ZEB1: variants seen among roughly 807,000 people sequenced by gnomAD.
ZEB1 encodes zinc finger E-box-binding homeobox 1.
In ZEB1, 21 loss-of-function variants were observed where a neutral mutation model predicts 84.9. That is an observed-to-expected ratio of 0.25 (90% CI 0.18 to 0.36). The LOEUF (loss-of-function observed/expected upper bound fraction) is 0.36. Among genes scored for constraint, ZEB1 ranks in the 10% least tolerant of loss-of-function variants. The probability of loss-of-function intolerance (pLI) is 1.00; values close to 1 mark genes in which losing one functional copy is unlikely to be tolerated. For synonymous variants in ZEB1, 420 were observed against 471.1 expected (o/e 0.89, Z 1.41); for missense variants, 1,104 against 1,330.2 (o/e 0.83, Z 2.65).
intron 1 of ZEB1, among the ~76,000 whole-genome samples, chr10:31,436,489 C>T (rs1246485307): frequency 2.0e-5 from 3 of 151,972 alleles, no homozygotes; most frequent in Admixed American, 6.6e-5. Flanking sequence ...AGAGCATGTC[C>T]GGAGCCACAT....
At chr10:31,361,187 C>T (rs878913011) in intron 1 of ZEB1, 2 of 1,610,634 alleles carry the variant, frequency 1.2e-6, no homozygotes, top group African/African-American at 1.3e-5. Flanking sequence ...AAAGACCATC[C>T]TGCTCTCAAC....
intron 1 of ZEB1, among the ~76,000 whole-genome samples, chr10:31,423,930 G>C (rs145570464): frequency 6.6e-6 from 1 of 152,088 alleles, no homozygotes; most frequent in African/African-American, 2.4e-5. Flanking sequence ...AATAAGGATA[G>C]TTTATATGTT....
chr10:31,321,514 T>C (rs1373758054), intron 1 of ZEB1: 2 of 1,614,056 alleles, frequency 1.2e-6, no homozygotes, highest in Non-Finnish European at 1.7e-6. Flanking sequence ...CCGCTGTTGC[T>C]GATGTGGCTT....
chr10:31,330,556 C>T (rs796982891), intron 1 of ZEB1, among the ~76,000 whole-genome samples: 21 of 152,208 alleles, frequency 1.4e-4, no homozygotes, highest in African/African-American at 4.8e-4. Context: ...TTTCATGTTC[C>T]GTAGCTTTTA....
At chr10:31,423,707 T>C (rs1182231805) in intron 1 of ZEB1, among the ~76,000 whole-genome samples, 1 of 152,108 alleles carries the variant, frequency 6.6e-6, no homozygotes, top group Non-Finnish European at 1.5e-5. Flanking sequence ...GCTGGCTATA[T>C]AGCAAGTTTG....
At chr10:31,441,093 T>G (rs1397297032) in intron 1 of ZEB1, among the ~76,000 whole-genome samples, 4 of 151,936 alleles carry the variant, frequency 2.6e-5, no homozygotes, top group East Asian at 1.9e-4. Flanking sequence ...GAGCCCACAT[T>G]GCCAAGACAA....
intron 1 of ZEB1, among the ~76,000 whole-genome samples, chr10:31,458,616 T>C (rs1322258592): frequency 1.3e-5 from 2 of 152,044 alleles, no homozygotes; most frequent in African/African-American, 4.8e-5. Flanking sequence ...CCTCAGATAA[T>C]ATTTATGGAA....
chr10:31,354,243 C>T (rs2041769977), intron 1 of ZEB1, among the ~76,000 whole-genome samples: 1 of 152,104 alleles, frequency 6.6e-6, no homozygotes, highest in Non-Finnish European at 1.5e-5. Flanking sequence ...TTATAAGTGA[C>T]TTTGGGAGAA....
chr10:31,437,595 A>C (rs1335336676), intron 1 of ZEB1, among the ~76,000 whole-genome samples: 1 of 152,206 alleles, frequency 6.6e-6, no homozygotes. Flanking sequence ...TTAGTGTCCC[A>C]TGTTGAAATT....
Position 31,319,220 on chromosome 10 carries a change from A to C in ZEB1, c.-15A>C. ...GAGGAGGTGACTCGAGCATTTAGAC[A>C]CAAGCGAGAGGATCATGGCGGATGG... is the stretch of plus-strand genomic sequence containing the variant. On this transcript the variant is annotated 5_prime_UTR_variant, in exon 1 of 9. Coordinates refer to ENST00000424869, the MANE Select transcript of ZEB1 (RefSeq NM_001174096.2). 1 of 1,602,456 alleles carries C rather than the reference A, an allele frequency of 6.2e-7. No individual in the cohort carries two copies. The highest frequency in any genetic ancestry group is 8.5e-7 in the Non-Finnish European group (1 of 1,175,430).
chr10:31,369,919 A>C (rs549021956), intron 1 of ZEB1, among the ~76,000 whole-genome samples: 3 of 152,312 alleles, frequency 2.0e-5, no homozygotes, highest in African/African-American at 7.2e-5. Context: ...TAAAGTAATA[A>C]TGCATTGTGG....
chr10:31,435,035 A>T (rs962548333), intron 1 of ZEB1, among the ~76,000 whole-genome samples: 1 of 152,190 alleles, frequency 6.6e-6, no homozygotes, highest in Admixed American at 6.5e-5. Flanking sequence ...TACATTACTT[A>T]AAAAAAGATT....
intron 2 of ZEB1, among the ~76,000 whole-genome samples, chr10:31,491,096 C>T (rs2066468530): frequency 6.6e-6 from 1 of 151,748 alleles, no homozygotes; most frequent in Non-Finnish European, 1.5e-5. Flanking sequence ...TCATAAACAG[C>T]CTTATGAGGT....
chr10:31,360,049 G>T (rs1185854725), intron 1 of ZEB1, among the ~76,000 whole-genome samples: 3 of 152,144 alleles, frequency 2.0e-5, no homozygotes, highest in African/African-American at 7.2e-5. Context: ...ACAGAGAAGG[G>T]TGTCTGTGAA....
chr10:31,453,517 C>G (rs2060840264), intron 1 of ZEB1, among the ~76,000 whole-genome samples: 1 of 152,120 alleles, frequency 6.6e-6, no homozygotes, highest in Non-Finnish European at 1.5e-5. Context: ...TATGATTGTA[C>G]ATTACTTAAG....
At chr10:31,368,508 A>G (rs760335380) in intron 1 of ZEB1, among the ~76,000 whole-genome samples, 2 of 143,516 alleles carry the variant, frequency 1.4e-5, no homozygotes, top group Non-Finnish European at 3.1e-5. Flanking sequence ...TACCTAATAC[A>G]ATACAAATGC....
intron 1 of ZEB1, among the ~76,000 whole-genome samples, chr10:31,418,617 T>G (rs1472127859): frequency 1.3e-5 from 2 of 152,116 alleles, no homozygotes; most frequent in Non-Finnish European, 1.5e-5. Context: ...GTGGTAGAAG[T>G]GTTAGTTTCC....
intron 1 of ZEB1, chr10:31,389,553 A>C (rs572794346): frequency 6.6e-6 from 1 of 151,942 alleles, no homozygotes; most frequent in African/African-American, 2.4e-5. Flanking sequence ...TGGTAGCTGG[A>C]GGGAGGTGAG....
chr10:31,501,145 T>A (rs981976867), intron 3 of ZEB1, among the ~76,000 whole-genome samples: 3 of 151,924 alleles, frequency 2.0e-5, no homozygotes, highest in Non-Finnish European at 4.4e-5. Flanking sequence ...TGCTGGGGAG[T>A]GCTGTTTTAC....
Sources: allele counts gnomAD v4.1 joint callset (sites outside exome capture counted in the v4.1 genomes callset), GRCh38; gene constraint gnomAD v4.1.1; transcripts MANE v1.5; gene names NCBI Gene and HGNC (gene_info 2026-07-23, HGNC 2026-07-21).